The following SACS variants were observed in gnomAD, a reference collection of about 807,000 sequenced individuals.
SACS encodes sacsin.
SACS carries 197 observed loss-of-function variants against 348.0 expected under a neutral mutation model. The ratio of observed to expected loss-of-function variants is 0.57; its 90% CI spans 0.50 to 0.64. The LOEUF (loss-of-function observed/expected upper bound fraction) is 0.64, where lower values mean the gene tolerates loss of function less well. Ranked by LOEUF, SACS falls within the 30% of genes least tolerant of loss-of-function variation. SACS has a pLI of 0.00. For missense variants in SACS, 4,999 were observed against 5,360.8 expected (o/e 0.93, Z 2.11); for synonymous variants, 1,985 against 1,910.6 (o/e 1.04, Z -1.02).
intron 2 of SACS, among the ~76,000 whole-genome samples, chr13:23,401,173 G>A (rs946918170): frequency 6.6e-6 from 1 of 152,080 alleles, no homozygotes; most frequent in Non-Finnish European, 1.5e-5. Flanking sequence ...ACACATATAA[G>A]AGGAAAAGAT....
rs1883572470 is a variant in SACS, at chr13:23,332,799, G to T, written c.11077C>A (p.Gln3693Lys). ...NGAQVNPKFK[Q>K]CDVLQLLWTS... is the part of the protein sequence containing the mutation. ...CATAACAGCTGGAGTACATCACATT[G>T]CTTGAATTTTGGATTTACCTGTGCT... Residue 3693 changes from glutamine (Q) to lysine (K), a missense_variant, in exon 10 of 10, where the codon CAA becomes AAA. By Grantham distance (53) the Gln-to-Lys change is moderately conservative. This residue lies in a region of SACS where 831 missense variants were observed against 941.8 expected (regional missense o/e 0.88). Coordinates refer to ENST00000382292, the MANE Select transcript of SACS (RefSeq NM_014363.6). 6.2e-7 allele frequency: 1 copy of T among 1,613,742 alleles called. No individual in the cohort carries two copies.
chr13:23,388,597 A>G (rs1872402890), intron 2 of SACS, among the ~76,000 whole-genome samples: 1 of 151,354 alleles, frequency 6.6e-6, no homozygotes, highest in Non-Finnish European at 1.5e-5. Context: ...ATGGAACTGG[A>G]GGTCATTAAT....
chr13:23,430,837 T>C (rs1054304137), intron 1 of SACS, among the ~76,000 whole-genome samples: 8 of 152,208 alleles, frequency 5.3e-5, no homozygotes, highest in African/African-American at 1.9e-4. Flanking sequence ...TGTAAGGTTA[T>C]TATAATTGGA....
Position 23,337,143 on chromosome 13 carries a change from G to A in SACS, c.6733C>T (p.Leu2245Phe), listed in dbSNP as rs1868691889. The change falls in exon 10 of 10, where the codon CTT becomes TTT. Residue 2245 changes from leucine to phenylalanine, a missense_variant. Coordinates refer to ENST00000382292, the MANE Select transcript of SACS (RefSeq NM_014363.6). ...ATATCTTGATGTTCAGCTGTATAAA[G>A]GTCAGTTGCTGCAAACATGGTTTCA... ...KPETMFAATD[L>F]YTAEHQDIVC... 1.2e-6 allele frequency: 2 copies of A among 1,613,970 alleles called. No individual in the cohort carries two copies. The highest frequency in any genetic ancestry group is 1.7e-6 in the Non-Finnish European group (2 of 1,179,912).
At chr13:23,419,618 C>A (rs965308547) in intron 1 of SACS, among the ~76,000 whole-genome samples, 7 of 152,014 alleles carry the variant, frequency 4.6e-5, no homozygotes, top group African/African-American at 1.7e-4. Flanking sequence ...ATTTCGGGTC[C>A]CACATTTTCT....
chr13:23,373,593 T>A, intron 3 of SACS: 1 of 152,724 alleles, frequency 6.5e-6, no homozygotes, highest in East Asian at 1.9e-4. Context: ...CTGGCCAACA[T>A]GGTGAACACC....
chr13:23,393,105 G>C (rs142727848), intron 2 of SACS, among the ~76,000 whole-genome samples: 3 of 152,114 alleles, frequency 2.0e-5, no homozygotes, highest in Non-Finnish European at 4.4e-5. Flanking sequence ...GCAAAGCCAC[G>C]GCAGGGCCCC....
At position 23,330,666 on chromosome 13, in the gene SACS, C is replaced by G. The variant is rs1883410704; in HGVS notation, c.13210G>C (p.Glu4404Gln). 2 of 1,613,944 alleles carry G rather than the reference C, an allele frequency of 1.2e-6. No homozygotes were observed. The highest frequency in any genetic ancestry group is 1.3e-5 in the African/African-American group (1 of 74,918). ...FQRFYTSWNQ[E>Q]ATSHKSERQQ... ...CTTTCAGATTTATGGCTCGTTGCTT[C>G]TTGATTCCATGAAGTATAGAATCTC... The change falls in exon 10 of 10, where the codon GAA becomes CAA. Residue 4404 changes from glutamate to glutamine, a missense_variant. By Grantham distance (29) the Glu-to-Gln change is conservative (BLOSUM62 2). This residue lies in a region of SACS where 254 missense variants were observed against 275.1 expected (regional missense o/e 0.92). Transcript: ENST00000382292.
Position 23,357,863 on chromosome 13 carries a change from G to A in SACS, c.604+472C>T, listed in dbSNP as rs570335516. On this transcript the variant is annotated intron_variant, in intron 7 of 9. Transcript: ENST00000382292. ...AGAGTAGAATGAGGAAGGAAAATAA[G>A]AGATACCAGAACCACCTCAAAGATT... Among the ~76,000 whole-genome samples the A allele has an allele frequency of 7.2e-5, 11 of 152,282 alleles. No individual in the cohort carries two copies. The South Asian group carries it at 1.5e-3, about 20-fold the overall frequency.
intron 2 of SACS, among the ~76,000 whole-genome samples, chr13:23,392,780 T>G (rs533903082): frequency 1.3e-5 from 2 of 152,124 alleles, no homozygotes; most frequent in African/African-American, 2.4e-5. Context: ...TTCATTCGGA[T>G]GCAGAGGTAT....
At chr13:23,406,619 C>T (rs1873228602) in intron 2 of SACS, among the ~76,000 whole-genome samples, 1 of 152,036 alleles carries the variant, frequency 6.6e-6, no homozygotes, top group Non-Finnish European at 1.5e-5. Context: ...ACCATGAATT[C>T]GTATCATGAA....
rs1175897856 is a variant in SACS, at chr13:23,409,040, C to CTTTTTTTTTTTTTTTTTTTTTTT, written c.20+2157_20+2179dup. 1.4e-3 allele frequency among the ~76,000 whole-genome samples: 49 copies of CTTTTTTTTTTTTTTTTTTTTTTT among 35,148 alleles called. 19 individuals are homozygous for CTTTTTTTTTTTTTTTTTTTTTTT. Among genetic ancestry groups the CTTTTTTTTTTTTTTTTTTTTTTT allele is most frequent in the African/African-American group, 1.5e-3 (13 of 8,724 alleles). 23.1% of individuals were successfully genotyped at this position (35,148 alleles called of 152,430 possible). The stretch of plus-strand genomic sequence containing the variant: ...TATGGTCTTAATAAAACAAGTTTTA[C>CTTTTTTTTTTTTTTTTTTTTTTT]TTTTTTTTTTTTTTTTTTTTTTTTT... On this transcript the variant is annotated intron_variant, in intron 2 of 9. Transcript: ENST00000382292.
At position 23,355,989 on chromosome 13, in the gene SACS, C is replaced by A. The variant is rs911764681; in HGVS notation, c.623G>T (p.Ser208Ile). 6.2e-6 allele frequency: 10 copies of A among 1,613,354 alleles called. No homozygotes were observed. The highest frequency in any genetic ancestry group is 1.3e-5 in the African/African-American group (1 of 74,820). Residue 208 changes from serine to isoleucine, a missense_variant, in exon 8 of 10, where the codon AGT (serine) becomes ATT (isoleucine). Physicochemically the swap from Ser to Ile is moderately radical, Grantham distance 142. Coordinates refer to ENST00000382292, the MANE Select transcript of SACS (RefSeq NM_014363.6). ...ATCTAGCATCCCGATTTGGTCACCACTAAAGATACAAGGAACATCTGTAAA... is the reference window on the plus strand; with the variant it reads ...ATCTAGCATCCCGATTTGGTCACCAATAAAGATACAAGGAACATCTGTAAA... ...YHITDVPCIF[S>I]GDQIGMLDPH...
At chr13:23,396,031 A>G (rs1872699229) in intron 2 of SACS, among the ~76,000 whole-genome samples, 1 of 152,184 alleles carries the variant, frequency 6.6e-6, no homozygotes, top group Admixed American at 6.5e-5. Flanking sequence ...ATCAGAACTT[A>G]TATAAATTCA....
At chr13:23,359,763 A>G (rs936169708) in intron 6 of SACS, among the ~76,000 whole-genome samples, 3 of 152,146 alleles carry the variant, frequency 2.0e-5, no homozygotes, top group Non-Finnish European at 2.9e-5. Flanking sequence ...TTGAGGCTGC[A>G]GCTTGATGAA....
At chr13:23,369,930 C>T (rs1871282859) in intron 4 of SACS, among the ~76,000 whole-genome samples, 1 of 151,786 alleles carries the variant, frequency 6.6e-6, no homozygotes, top group African/African-American at 2.4e-5. Context: ...GCGATCTCAG[C>T]TCACTGCAAC....
At position 23,353,872 on chromosome 13, in the gene SACS, G is replaced by C; in HGVS notation, c.2098C>G (p.Leu700Val). The change falls in exon 9 of 10, where the codon CTT (leucine) becomes GTT (valine). Residue 700 changes from leucine to valine, a missense_variant. Physicochemically the swap from Leu to Val is conservative, Grantham distance 32. This residue lies in a region of SACS where 3,156 missense variants were observed against 3,380.1 expected (regional missense o/e 0.93). Transcript: ENST00000382292. Reference sequence around the variant, plus strand: ...AATCTTCCTTCAAGACTTGGGAAAAGGGACCTGAAAAGGGAAAGGAACAGC... The same window carrying C: ...AATCTTCCTTCAAGACTTGGGAAAACGGACCTGAAAAGGGAAAGGAACAGC... ...YITSAEYPRS[L>V]FPSLEGRFIL... 6.3e-7 allele frequency: 1 copy of C among 1,577,984 alleles called. No individual in the cohort carries two copies. Among genetic ancestry groups the C allele is most frequent in the Non-Finnish European group, 8.7e-7 (1 of 1,147,302 alleles).
chr13:23,368,102 G>A (rs1016241126), intron 5 of SACS, among the ~76,000 whole-genome samples: 2 of 152,144 alleles, frequency 1.3e-5, no homozygotes, highest in Non-Finnish European at 2.9e-5. Flanking sequence ...TTGGTTGGTT[G>A]GTTGACGTGT....
At chr13:23,360,378 T>C (rs1482676389) in intron 6 of SACS, among the ~76,000 whole-genome samples, 1 of 138,514 alleles carries the variant, frequency 7.2e-6, no homozygotes, top group Non-Finnish European at 1.5e-5. Context: ...ATTAAAAGTA[T>C]CTACAAAGAC....
Sources: gnomAD v4.1 joint callset for allele counts (sites outside exome capture counted in the v4.1 genomes callset) on GRCh38, gnomAD v4.1.1 for gene constraint, gnomAD v4.1.1 regional missense constraint, MANE v1.5 for transcripts, NCBI Gene and HGNC (gene_info 2026-07-23, HGNC 2026-07-21) for gene names.